GSDMC: variants seen among roughly 807,000 people sequenced by gnomAD.
GSDMC encodes gasdermin-C.
A neutral mutation model predicts 58.0 loss-of-function variants in GSDMC; 59 were observed. The observed-to-expected ratio is 1.02, with a 90% CI of 0.82 to 1.26. The LOEUF is 1.26. Among genes scored for constraint, GSDMC ranks in the 50% most tolerant of loss-of-function variants. GSDMC has a pLI of 0.00. For missense variants in GSDMC, 659 were observed against 598.5 expected (o/e 1.10, Z -1.06); for synonymous variants, 241 against 220.2 (o/e 1.09, Z -0.83).
intron 1 of GSDMC, among the ~76,000 whole-genome samples, chr8:129,780,534 A>G (rs534607539): frequency 2.1e-4 from 32 of 152,308 alleles, no homozygotes; most frequent in Middle Eastern, 3.4e-3. Flanking sequence ...CTAGAATAAT[A>G]TATCTGGCAA....
intron 11 of GSDMC, 47 bp from the exon 12 acceptor site, chr8:129,750,166 A>C: frequency 5.1e-6 from 7 of 1,375,534 alleles, no homozygotes; most frequent in Non-Finnish European, 6.9e-6. Flanking sequence ...AATAACAGTA[A>C]TGTTATATAA....
At chr8:129,735,718 T>C in the GSDMC span, among the ~76,000 whole-genome samples, 1 of 152,098 alleles carries the variant, frequency 6.6e-6, no homozygotes, top group Non-Finnish European at 1.5e-5. Context: ...AGATCTAAAA[T>C]TGACACCCTA....
intron 5 of GSDMC, 103 bp downstream of exon 5, chr8:129,762,523 A>G: frequency 2.6e-6 from 2 of 766,476 alleles, no homozygotes; most frequent in South Asian, 3.0e-5. Context: ...TAGGCAGAGC[A>G]TCAAAGGTTG....
chr8:129,786,381 A>T lies in GSDMC; in HGVS notation c.-375T>A, dbSNP rs1347093609. The T allele has an allele frequency of 6.6e-6, 1 of 151,818 alleles. No homozygotes were observed. Among genetic ancestry groups the T allele is most frequent in the Non-Finnish European group, 1.5e-5 (1 of 68,014 alleles). 9.4% of individuals were successfully genotyped at this position (151,818 alleles called of 1,614,324 possible). ...GAGTAGGGCCCCTTCCAATCTTCAG[A>T]CCTCCTGCGGTCAAGTAGAAATTGT... On this transcript the variant is annotated 5_prime_UTR_variant, in exon 1 of 14. Coordinates refer to ENST00000276708, the MANE Select transcript of GSDMC (RefSeq NM_031415.3).
the GSDMC span, among the ~76,000 whole-genome samples, chr8:129,708,851 T>C: frequency 6.6e-6 from 1 of 152,276 alleles, no homozygotes. Context: ...ACCAGCCAGA[T>C]GTTGAAAACC....
At chr8:129,752,211 A>G (rs2033235441) in intron 7 of GSDMC, 64 bp from the exon 8 acceptor site, 1 of 1,253,184 alleles carries the variant, frequency 8.0e-7, no homozygotes, top group Non-Finnish European at 1.2e-6. Context: ...TTCCTCCTCT[A>G]CTTCTTTCCC....
chr8:129,714,672 A>G, the GSDMC span, among the ~76,000 whole-genome samples: 1 of 152,200 alleles, frequency 6.6e-6, no homozygotes, highest in Non-Finnish European at 1.5e-5. Flanking sequence ...AGATTTTATA[A>G]TTACATGGCC....
chr8:129,724,104 G>C, the GSDMC span, among the ~76,000 whole-genome samples: 3 of 152,144 alleles, frequency 2.0e-5, no homozygotes, highest in Non-Finnish European at 4.4e-5. Flanking sequence ...ATGTTGAGAG[G>C]GCACTCAAGC....
chr8:129,749,909 A>G, intron 12 of GSDMC, 81 bp downstream of exon 12: 1 of 1,157,032 alleles, frequency 8.6e-7, no homozygotes. Context: ...GGCTTTGGAG[A>G]CACAGCATCT....
At chr8:129,754,631 T>A (rs1235225825) in intron 6 of GSDMC, among the ~76,000 whole-genome samples, 1 of 152,020 alleles carries the variant, frequency 6.6e-6, no homozygotes. Flanking sequence ...CAGGGACAAA[T>A]CCTGGAAGAA....
At chr8:129,713,885 A>G in the GSDMC span, among the ~76,000 whole-genome samples, 1 of 152,148 alleles carries the variant, frequency 6.6e-6, no homozygotes, top group Non-Finnish European at 1.5e-5. Context: ...TATTCTGACT[A>G]AGAGCACACA....
chr8:129,744,825 T>C (rs1045543762), downstream of GSDMC, among the ~76,000 whole-genome samples: 5 of 152,224 alleles, frequency 3.3e-5, no homozygotes, highest in Admixed American at 2.6e-4. Flanking sequence ...CTAGAAAACA[T>C]ACTATTTCTT....
the GSDMC span, among the ~76,000 whole-genome samples, chr8:129,743,093 C>G: frequency 1.3e-5 from 2 of 152,060 alleles, no homozygotes; most frequent in African/African-American, 4.8e-5. Context: ...GGATAGTGTT[C>G]TTGTGTGCTT....
rs2033021184 is a variant in GSDMC, at chr8:129,748,377, A to G, written c.*124T>C. 1 of 893,032 alleles carries G rather than the reference A, an allele frequency of 1.1e-6. No individual in the cohort carries two copies. Among genetic ancestry groups the G allele is most frequent in the Admixed American group, 2.8e-5 (1 of 35,756 alleles). The allele number at this position is 893,032 out of a possible 1,614,324, so 55.3% of individuals were successfully genotyped here. ...ACATTTCCTAAAGTCTCTACCCATT[A>G]CTGTCTCTACTCCACCTGGAAACGC... On this transcript the variant is annotated 3_prime_UTR_variant, in exon 14 of 14. Transcript: ENST00000276708.
At chr8:129,719,795 A>G in the GSDMC span, among the ~76,000 whole-genome samples, 197 of 152,254 alleles carry the variant, frequency 1.3e-3, 1 homozygote, top group African/African-American at 4.6e-3. Context: ...AAATACAAAG[A>G]TTAGCCAGGT....
chr8:129,726,102 C>G, the GSDMC span, among the ~76,000 whole-genome samples: 4 of 152,214 alleles, frequency 2.6e-5, no homozygotes, highest in Non-Finnish European at 5.9e-5. Context: ...TCAGATTTAT[C>G]ACAGAATCCA....
chr8:129,713,797 G>A, the GSDMC span, among the ~76,000 whole-genome samples: 6 of 152,108 alleles, frequency 3.9e-5, no homozygotes, highest in Non-Finnish European at 1.5e-5. Flanking sequence ...ACAGAAGCCA[G>A]AGTTCCCAAC....
At chr8:129,731,587 G>C in the GSDMC span, among the ~76,000 whole-genome samples, 1 of 152,250 alleles carries the variant, frequency 6.6e-6, no homozygotes, top group Admixed American at 6.5e-5. Context: ...TGCGGGTCCA[G>C]TCCAAAGGTA....
At chr8:129,736,909 A>G in the GSDMC span, among the ~76,000 whole-genome samples, 1 of 152,200 alleles carries the variant, frequency 6.6e-6, no homozygotes, top group Non-Finnish European at 1.5e-5. Context: ...TTAGCCCAAA[A>G]TCTCCTTAAG....
Sources: gnomAD v4.1 joint callset for allele counts (sites outside exome capture counted in the v4.1 genomes callset) on GRCh38, gnomAD v4.1.1 for gene constraint, MANE v1.5 for transcripts, NCBI Gene and HGNC (gene_info 2026-07-23, HGNC 2026-07-21) for gene names.